The following RABGAP1L variants were observed in gnomAD, a reference collection of about 807,000 sequenced individuals.
The protein encoded by RABGAP1L is rab GTPase-activating protein 1-like.
RABGAP1L carries 63 observed loss-of-function variants against 137.7 expected under a neutral mutation model. That is an observed-to-expected ratio of 0.46 (90% CI 0.37 to 0.56). The LOEUF is 0.56. Ranked by LOEUF, RABGAP1L falls within the 20% of genes least tolerant of loss-of-function variation. The probability of loss-of-function intolerance (pLI) is 0.00; values close to 1 mark genes in which losing one functional copy is unlikely to be tolerated. For missense variants in RABGAP1L, 1,095 were observed against 1,244.0 expected, an observed-to-expected ratio of 0.88 and a Z score of 1.80; for synonymous variants, 431 against 433.7, an observed-to-expected ratio of 0.99 and a Z score of 0.08.
At chr1:174,292,668 C>T (rs1433698423) in intron 10 of RABGAP1L, among the ~76,000 whole-genome samples, 1 of 151,966 alleles carries the variant, frequency 6.6e-6, no homozygotes, top group African/African-American at 2.4e-5. Context: ...TATGACTCAG[C>T]ATATGGTCTA....
intron 11 of RABGAP1L, among the ~76,000 whole-genome samples, chr1:174,349,873 C>G (rs1682928236): frequency 1.4e-5 from 2 of 144,394 alleles, no homozygotes; most frequent in Non-Finnish European, 3.1e-5. Flanking sequence ...ACCCCCCCAC[C>G]TCCCTCCTGG....
intron 19 of RABGAP1L, among the ~76,000 whole-genome samples, chr1:174,912,951 G>C (rs946553555): frequency 1.3e-5 from 2 of 151,574 alleles, no homozygotes; most frequent in Admixed American, 1.3e-4. Flanking sequence ...ATCCAGCATA[G>C]TTTACTGTCT....
chr1:174,687,558 T>C (rs941705161), intron 15 of RABGAP1L, among the ~76,000 whole-genome samples: 1 of 152,202 alleles, frequency 6.6e-6, no homozygotes, highest in Admixed American at 6.5e-5. Flanking sequence ...AAGTTAACTG[T>C]AATTTATTTT....
At chr1:174,423,649 A>G (rs1651614948) in intron 13 of RABGAP1L, among the ~76,000 whole-genome samples, 1 of 151,992 alleles carries the variant, frequency 6.6e-6, no homozygotes, top group African/African-American at 2.4e-5. Flanking sequence ...TATTTAACCA[A>G]TTTTCTCTAA....
chr1:174,649,782 C>T lies in RABGAP1L; in HGVS notation c.1824+12294C>T, dbSNP rs1216600309. On this transcript the variant is annotated intron_variant, in intron 14 of 25. Coordinates refer to ENST00000681986, the MANE Select transcript of RABGAP1L (RefSeq NM_001366446.1). ...GATATGCAATGATGTCATCTGCAAACGGACAATTTGACTTCCTCTTTTCCT... is the reference window on the plus strand; with the variant it reads ...GATATGCAATGATGTCATCTGCAAATGGACAATTTGACTTCCTCTTTTCCT... Among the ~76,000 whole-genome samples, 8 of 152,012 alleles carry T rather than the reference C, an allele frequency of 5.3e-5. No homozygotes were observed. The East Asian group carries it at 1.2e-3, about 22-fold the overall frequency.
intron 17 of RABGAP1L, among the ~76,000 whole-genome samples, chr1:174,729,322 T>A (rs993302984): frequency 6.6e-6 from 1 of 152,114 alleles, no homozygotes; most frequent in African/African-American, 2.4e-5. Flanking sequence ...ATACAAAAAT[T>A]AACTCAAGAA....
At chr1:174,385,477 T>C (rs1295638196) in intron 12 of RABGAP1L, among the ~76,000 whole-genome samples, 1 of 152,182 alleles carries the variant, frequency 6.6e-6, no homozygotes, top group East Asian at 1.9e-4. Flanking sequence ...GAAGGAAATA[T>C]GAGTTTGGGA....
chr1:174,634,799 C>T (rs537608466), intron 13 of RABGAP1L, among the ~76,000 whole-genome samples: 17 of 145,352 alleles, frequency 1.2e-4, no homozygotes, highest in South Asian at 4.3e-4. Flanking sequence ...AAGCAAACAC[C>T]GCATATTCTC....
intron 12 of RABGAP1L, among the ~76,000 whole-genome samples, chr1:174,390,754 G>A (rs919558706): frequency 1.3e-4 from 20 of 152,038 alleles, no homozygotes; most frequent in African/African-American, 4.8e-4. Context: ...AGATGATGGG[G>A]CAAAAATAAT....
At chr1:174,240,946 G>A (rs1447248919) in intron 4 of RABGAP1L, among the ~76,000 whole-genome samples, 2 of 152,136 alleles carry the variant, frequency 1.3e-5, no homozygotes, top group African/African-American at 4.8e-5. Context: ...GTTTGTGTGT[G>A]TGTGTGTGTG....
At chr1:174,551,591 T>C (rs1666549907) in intron 13 of RABGAP1L, among the ~76,000 whole-genome samples, 1 of 152,148 alleles carries the variant, frequency 6.6e-6, no homozygotes, top group South Asian at 2.1e-4. Context: ...AGTGTAAGTT[T>C]CTTTCTCAAG....
chr1:174,817,415 G>A (rs1690553634), intron 19 of RABGAP1L, among the ~76,000 whole-genome samples: 1 of 152,166 alleles, frequency 6.6e-6, no homozygotes, highest in African/African-American at 2.4e-5. Flanking sequence ...GCAGGGAGAA[G>A]GATGTTTCAT....
At chr1:174,834,299 G>T (rs964663961) in intron 19 of RABGAP1L, among the ~76,000 whole-genome samples, 1 of 151,858 alleles carries the variant, frequency 6.6e-6, no homozygotes, top group African/African-American at 2.4e-5. Flanking sequence ...GGTGGCACAC[G>T]CATGTAATCC....
intron 19 of RABGAP1L, among the ~76,000 whole-genome samples, chr1:174,840,945 A>G (rs1188087405): frequency 1.3e-5 from 2 of 152,154 alleles, no homozygotes; most frequent in Admixed American, 1.3e-4. Flanking sequence ...GTCAGACAAG[A>G]TTGAATTTAG....
intron 19 of RABGAP1L, among the ~76,000 whole-genome samples, chr1:174,951,785 G>T (rs766995369): frequency 6.6e-6 from 1 of 151,808 alleles, no homozygotes. Context: ...GGATGCCATG[G>T]GCTCAGAAAT....
chr1:174,651,055 A>G (rs887118083), intron 14 of RABGAP1L, among the ~76,000 whole-genome samples: 2 of 151,724 alleles, frequency 1.3e-5, no homozygotes, highest in Non-Finnish European at 2.9e-5. Context: ...CGTTGGTTTC[A>G]AAGAACATCT....
intron 19 of RABGAP1L, chr1:174,877,260 G>A (rs1653279927): frequency 1.5e-6 from 1 of 655,088 alleles, no homozygotes; most frequent in Non-Finnish European, 2.6e-6. Flanking sequence ...TATACTTCCT[G>A]CATAGATAAG....
At chr1:174,384,901 A>G (rs987546009) in intron 12 of RABGAP1L, among the ~76,000 whole-genome samples, 10 of 151,620 alleles carry the variant, frequency 6.6e-5, no homozygotes, top group African/African-American at 2.4e-4. Flanking sequence ...ATCTTGTCTT[A>G]TATAGTGTTT....
chr1:174,962,539 A>G (rs1669250956), intron 20 of RABGAP1L, among the ~76,000 whole-genome samples: 1 of 152,232 alleles, frequency 6.6e-6, no homozygotes, highest in Admixed American at 6.5e-5. Context: ...TTGCTCCTAC[A>G]TGTAATTTCA....
Sources: allele counts gnomAD v4.1 joint callset (sites outside exome capture counted in the v4.1 genomes callset), GRCh38; gene constraint gnomAD v4.1.1; transcripts MANE v1.5; gene names NCBI Gene and HGNC (gene_info 2026-07-23, HGNC 2026-07-21).